Variants in GSE1 observed in about 807,000 individuals in gnomAD.
GSE1 encodes the protein Gse1 coiled-coil protein.
Under a neutral mutation model 112.6 loss-of-function variants are expected in GSE1, and 32 were observed. The ratio of observed to expected loss-of-function variants is 0.28; its 90% CI spans 0.21 to 0.38. GSE1 has a LOEUF of 0.38. Ranked by LOEUF, GSE1 falls within the 10% of genes least tolerant of loss-of-function variation. GSE1 has a pLI of 1.00. For synonymous variants in GSE1, 1,115 were observed against 735.6 expected, an observed-to-expected ratio of 1.52 and a Z score of -8.35; for missense variants, 2,348 against 1,699.2, an observed-to-expected ratio of 1.38 and a Z score of -6.71.
At chr16:85,351,767 A>C (rs1401929102) in intron 1 of GSE1, among the ~76,000 whole-genome samples, 1 of 152,214 alleles carries the variant, frequency 6.6e-6, no homozygotes, top group East Asian at 1.9e-4. Context: ...AGGCAGGCGG[A>C]TCACCTGAAG....
intron 2 of GSE1, among the ~76,000 whole-genome samples, chr16:85,441,459 A>G (rs2049374579): frequency 6.8e-6 from 1 of 147,276 alleles, no homozygotes; most frequent in South Asian, 2.3e-4. Context: ...GTTTGAGACC[A>G]GCCTGACCAA....
At chr16:85,431,574 G>A (rs140657703) in intron 2 of GSE1, among the ~76,000 whole-genome samples, 6 of 152,322 alleles carry the variant, frequency 3.9e-5, no homozygotes, top group Non-Finnish European at 8.8e-5. Flanking sequence ...AGTCGCCTCC[G>A]GGGTGGTGGC....
intron 2 of GSE1, among the ~76,000 whole-genome samples, chr16:85,529,899 T>C (rs1168236185): frequency 3.3e-5 from 5 of 152,212 alleles, no homozygotes; most frequent in African/African-American, 7.2e-5. Flanking sequence ...CCGTGGCCTG[T>C]AGGGCACCTT....
intron 1 of GSE1, among the ~76,000 whole-genome samples, chr16:85,206,961 C>T (rs1476003081): frequency 2.0e-5 from 3 of 152,196 alleles, no homozygotes; most frequent in Non-Finnish European, 4.4e-5. Context: ...TGTTTACAGC[C>T]TCCGGCGGCA....
chr16:85,416,464 G>A (rs373037362), intron 2 of GSE1, among the ~76,000 whole-genome samples: 1 of 152,128 alleles, frequency 6.6e-6, no homozygotes, highest in Non-Finnish European at 1.5e-5. Flanking sequence ...GGAGTCCACC[G>A]GGCGGTGCTT....
intron 2 of GSE1, among the ~76,000 whole-genome samples, chr16:85,638,459 G>C (rs1051384305): frequency 3.9e-5 from 6 of 152,222 alleles, no homozygotes; most frequent in African/African-American, 1.4e-4. Flanking sequence ...GCGAATCGCC[G>C]ATGCATGCCC....
chr16:85,447,903 G>C (rs751529711), intron 2 of GSE1, among the ~76,000 whole-genome samples: 2 of 152,228 alleles, frequency 1.3e-5, no homozygotes, highest in Non-Finnish European at 2.9e-5. Context: ...GGGTCACACA[G>C]CTTCTCACTG....
intron 4 of GSE1, 151 bp downstream of exon 4, chr16:85,654,601 C>A (rs761565143): frequency 7.4e-5 from 58 of 782,154 alleles, no homozygotes; most frequent in Non-Finnish European, 1.2e-4. Flanking sequence ...GCAGCCCTGT[C>A]TGTGCCCCTT....
chr16:85,490,256 C>G (rs1477434974), intron 2 of GSE1: 2 of 152,212 alleles, frequency 1.3e-5, no homozygotes, highest in Non-Finnish European at 2.9e-5. Flanking sequence ...TTCTATAAAT[C>G]AACAAGAGCT....
intron 1 of GSE1, among the ~76,000 whole-genome samples, chr16:85,327,782 T>A (rs1293787651): frequency 1.3e-5 from 2 of 152,190 alleles, no homozygotes; most frequent in African/African-American, 4.8e-5. Context: ...CCTTTCCACA[T>A]GCCCATTTTA....
intron 1 of GSE1, among the ~76,000 whole-genome samples, chr16:85,247,891 C>T (rs1906033951): frequency 6.6e-6 from 1 of 152,218 alleles, no homozygotes; most frequent in Non-Finnish European, 1.5e-5. Context: ...CCTGAAGGCC[C>T]TTTCTGCAAG....
At position 85,655,822 on chromosome 16, in the gene GSE1, C is replaced by T. The variant is rs2051874919; in HGVS notation, c.894C>T (p.His298=). The T allele has an allele frequency of 3.1e-6, 5 of 1,610,658 alleles. No individual in the cohort carries two copies. Among genetic ancestry groups the T allele is most frequent in the Admixed American group, 1.7e-5 (1 of 60,012 alleles). ...SLPPLHPSAM[H]LHLSGVRYPP... ...CCCCACTGCACCCATCAGCGATGCA[C>T]CTGCACCTCTCTGGGGTCCGCTACC... The change falls in exon 6 of 16, where the codon CAC becomes CAT. Residue 298 remains histidine, a synonymous_variant. Coordinates refer to ENST00000253458, the MANE Select transcript of GSE1 (RefSeq NM_014615.5).
intron 1 of GSE1, among the ~76,000 whole-genome samples, chr16:85,299,143 G>A (rs1160058573): frequency 1.3e-5 from 2 of 152,240 alleles, no homozygotes; most frequent in Non-Finnish European, 2.9e-5. Flanking sequence ...TCCCATGTCC[G>A]TATGTTTGCA....
chr16:85,620,652 A>G (rs75994965), intron 1 of GSE1, among the ~76,000 whole-genome samples: 8,113 of 152,374 alleles, frequency 0.053, 647 homozygotes, highest in African/African-American at 0.17. Context: ...TTTCGGAATC[A>G]GCCCTTGTGG....
chr16:85,635,563 G>A (rs1344519571), intron 2 of GSE1, among the ~76,000 whole-genome samples: 2 of 152,326 alleles, frequency 1.3e-5, no homozygotes, highest in East Asian at 3.9e-4. Context: ...AGCTGAGCTT[G>A]GAGTCGAGAC....
chr16:85,423,991 G>A (rs950690354), intron 2 of GSE1, among the ~76,000 whole-genome samples: 3 of 152,142 alleles, frequency 2.0e-5, no homozygotes, highest in African/African-American at 7.2e-5. Context: ...TGCTCTCCTC[G>A]AGTCCCTCCT....
At chr16:85,274,832 C>T (rs1909196683) in intron 1 of GSE1, among the ~76,000 whole-genome samples, 1 of 152,232 alleles carries the variant, frequency 6.6e-6, no homozygotes, top group Non-Finnish European at 1.5e-5. Flanking sequence ...GCACCTGCCT[C>T]CAGCAGCAGG....
At chr16:85,667,411 C>G (rs1479481945) in intron 13 of GSE1, among the ~76,000 whole-genome samples, 1 of 152,366 alleles carries the variant, frequency 6.6e-6, no homozygotes, top group African/African-American at 2.4e-5. Context: ...CCAGGCCACG[C>G]CATGAGACAG....
intron 1 of GSE1, among the ~76,000 whole-genome samples, chr16:85,272,662 G>T (rs1266379717): frequency 7.4e-6 from 1 of 135,998 alleles, no homozygotes; most frequent in Non-Finnish European, 1.7e-5. Flanking sequence ...TGGCAGTGCT[G>T]GGGGCTTGGT....
Sources: allele counts gnomAD v4.1 joint callset (sites outside exome capture counted in the v4.1 genomes callset), GRCh38; gene constraint gnomAD v4.1.1; transcripts MANE v1.5; gene names NCBI Gene and HGNC (gene_info 2026-07-23, HGNC 2026-07-21).